Variants in KHDC1 observed in about 807,000 individuals in gnomAD.
KHDC1 encodes the protein KH domain containing 1, also known as KH homology domain-containing protein 1.
In KHDC1, 21 loss-of-function variants were observed where a neutral mutation model predicts 24.7. That is an observed-to-expected ratio of 0.85 (90% CI 0.60 to 1.23). The LOEUF (loss-of-function observed/expected upper bound fraction) is 1.23. Among genes scored for constraint, KHDC1 ranks in the 50% most tolerant of loss-of-function variants. The pLI is 0.00. For synonymous variants in KHDC1, 98 were observed against 111.7 expected (o/e 0.88, Z 0.77); for missense variants, 274 against 298.5 (o/e 0.92, Z 0.61).
intron 2 of KHDC1, among the ~76,000 whole-genome samples, chr6:73,248,529 T>G (rs1327060674): frequency 1.3e-5 from 2 of 152,210 alleles, no homozygotes; most frequent in African/African-American, 4.8e-5. Context: ...AACAGAAAGA[T>G]TTCTTTTTGC....
chr6:73,289,292 C>T (rs527747664), intron 2 of KHDC1, among the ~76,000 whole-genome samples: 32 of 140,978 alleles, frequency 2.3e-4, no homozygotes, highest in Non-Finnish European at 4.5e-4. Flanking sequence ...GAAGATTGCA[C>T]CACTGCACTC....
chr6:73,250,539 A>G (rs1351027125), intron 2 of KHDC1, among the ~76,000 whole-genome samples: 1 of 152,252 alleles, frequency 6.6e-6, no homozygotes, highest in African/African-American at 2.4e-5. Context: ...ACTGAATTTG[A>G]GCCCTTGGCA....
intron 2 of KHDC1, 96 bp from the exon 1 acceptor site, chr6:73,263,292 C>T (rs1462241274): frequency 7.1e-6 from 7 of 985,486 alleles, no homozygotes; most frequent in African/African-American, 1.7e-5. Flanking sequence ...CTGCGGAGCC[C>T]ACTGCCGGCG....
exon 1 of KHDC1, chr6:73,309,979 C>A: frequency 4.6e-6 from 2 of 436,630 alleles, no homozygotes; most frequent in South Asian, 5.8e-5. Flanking sequence ...GCTCCAGGCT[C>A]GGTCACCAAA....
chr6:73,265,273 C>T (rs1201672718), intron 2 of KHDC1, among the ~76,000 whole-genome samples: 1 of 152,136 alleles, frequency 6.6e-6, no homozygotes, highest in East Asian at 1.9e-4. Flanking sequence ...TCTGTCTGTA[C>T]TGAAGAAGGA....
At chr6:73,298,362 A>G (rs565247224) in intron 1 of KHDC1, among the ~76,000 whole-genome samples, 2 of 149,640 alleles carry the variant, frequency 1.3e-5, no homozygotes, top group Admixed American at 6.7e-5. Context: ...AGTTCTTCCC[A>G]TTACTAGGCT....
chr6:73,257,610 G>A (rs577065132), intron 2 of KHDC1, among the ~76,000 whole-genome samples: 1 of 152,110 alleles, frequency 6.6e-6, no homozygotes, highest in Admixed American at 6.5e-5. Flanking sequence ...TGTTGGCCAG[G>A]ATGGTCTCAA....
intron 2 of KHDC1, among the ~76,000 whole-genome samples, chr6:73,256,695 A>G (rs1175096961): frequency 6.6e-6 from 1 of 152,210 alleles, no homozygotes; most frequent in African/African-American, 2.4e-5. Context: ...GCCTGTTGTT[A>G]TAAGACATTT....
intron 1 of KHDC1, among the ~76,000 whole-genome samples, chr6:73,308,397 G>A (rs1768012445): frequency 6.6e-6 from 1 of 151,804 alleles, no homozygotes; most frequent in South Asian, 2.1e-4. Flanking sequence ...TTTTAGTAGA[G>A]ATGGGGTTTC....
intron 1 of KHDC1, chr6:73,299,329 A>C (rs1767819631): frequency 6.6e-6 from 1 of 152,250 alleles, no homozygotes; most frequent in African/African-American, 2.4e-5. Flanking sequence ...GCCCCTGCTG[A>C]AGGGACTGAC....
At chr6:73,309,808 AG>A in exon 1 of KHDC1, 1 of 1,428,560 alleles carries the variant, frequency 7.0e-7, no homozygotes, top group East Asian at 2.5e-5. Context: ...GGAAGAGACC[AG>A]ACACCGACGG....
At chr6:73,247,377 A>T (rs1171264526) in intron 2 of KHDC1, among the ~76,000 whole-genome samples, 1 of 152,186 alleles carries the variant, frequency 6.6e-6, no homozygotes, top group Non-Finnish European at 1.5e-5. Flanking sequence ...TGGGGCAAGT[A>T]GCTCCAAAAT....
In KHDC1 at chr6:73,241,597, C is replaced by T. The variant is rs373674170; in HGVS notation, c.646G>A (p.Val216Ile). Residue 216 changes from valine (V) to isoleucine (I), a missense_variant, in exon 5 of 5, where the codon GTT (valine) becomes ATT (isoleucine). By Grantham distance (29) the Val-to-Ile change is conservative (BLOSUM62 3). Coordinates refer to ENST00000370384, the Ensembl canonical transcript of KHDC1. ...ACTTGGTAAGGGGAAGGCTGAGGAA[C>T]GCTAAGACACACGGTTCCACTTATC... is the stretch of plus-strand genomic sequence containing the variant. 48 of 1,614,174 alleles carry T rather than the reference C, an allele frequency of 3.0e-5. No individual in the cohort carries two copies. In the Admixed American group the frequency reaches 4.5e-4, roughly 15 times the overall value.
intron 2 of KHDC1, among the ~76,000 whole-genome samples, chr6:73,285,693 T>C (rs1313070946): frequency 6.6e-6 from 1 of 151,504 alleles, no homozygotes; most frequent in East Asian, 1.9e-4. Context: ...AGGGTACATG[T>C]GCATATTGTG....
At chr6:73,282,760 G>A (rs768830458) in intron 2 of KHDC1, among the ~76,000 whole-genome samples, 15 of 151,952 alleles carry the variant, frequency 9.9e-5, no homozygotes, top group African/African-American at 2.2e-4. Context: ...AACTGACTCC[G>A]TGCAAGAGGC....
intron 2 of KHDC1, chr6:73,275,600 C>G (rs201729255): frequency 6.0e-6 from 1 of 167,156 alleles, no homozygotes; most frequent in Admixed American, 6.5e-5. Flanking sequence ...TTTACCACTG[C>G]GCTACACTTT....
At chr6:73,263,595 G>C (rs563501942) in intron 2 of KHDC1, among the ~76,000 whole-genome samples, 1 of 96,264 alleles carries the variant, frequency 1.0e-5, no homozygotes, top group Non-Finnish European at 2.4e-5. Context: ...ATGTTGCCTG[G>C]GGAGGGGTGT....
intron 2 of KHDC1, chr6:73,269,310 AGG>A (rs934445525): frequency 6.6e-6 from 1 of 152,514 alleles, no homozygotes; most frequent in Non-Finnish European, 1.5e-5. Flanking sequence ...CAGCCCAGAA[AGG>A]GGCTCCCACA....
In KHDC1 at chr6:73,253,464, A is replaced by G. The variant is rs543086855; in HGVS notation, c.207-10934T>C. ...GCTACTCGGGAGGCTGAGGCAGGAG[A>G]ATGGTGTGAACCCAGGAGGCAGAGC... On this transcript the variant is annotated intron_variant, in intron 2 of 4. Transcript: ENST00000370384. Among the ~76,000 whole-genome samples the G allele has an allele frequency of 1.1e-4, 17 of 152,088 alleles. No individual in the cohort carries two copies. The South Asian group carries it at 3.5e-3, about 32-fold the overall frequency.
Sources: gnomAD v4.1 joint callset for allele counts (sites outside exome capture counted in the v4.1 genomes callset) on GRCh38, gnomAD v4.1.1 for gene constraint, MANE v1.5 for transcripts, NCBI Gene and HGNC (gene_info 2026-07-23, HGNC 2026-07-21) for gene names.